Variants in AKT3 observed in about 807,000 individuals in gnomAD.
AKT3 encodes AKT serine/threonine kinase 3.
In AKT3, 15 loss-of-function variants were observed where a neutral mutation model predicts 65.3. The observed-to-expected ratio is 0.23, with a 90% CI of 0.15 to 0.35. The LOEUF (loss-of-function observed/expected upper bound fraction) is 0.35. AKT3 is among the 10% of genes least tolerant of loss of function. The pLI, the probability that AKT3 is intolerant of heterozygous loss-of-function variation, is 1.00. For missense variants in AKT3, 243 were observed against 576.5 expected, an observed-to-expected ratio of 0.42 and a Z score of 5.92; for synonymous variants, 206 against 183.8, an observed-to-expected ratio of 1.12 and a Z score of -0.98.
chr1:243,618,876 G>A (rs924168445), intron 6 of AKT3, among the ~76,000 whole-genome samples: 1 of 106,332 alleles, frequency 9.4e-6, no homozygotes, highest in Non-Finnish European at 2.5e-5. Context: ...GTGTAGGAGA[G>A]GGCAAACAAG....
At position 243,658,033 on chromosome 1, in the gene AKT3, C is replaced by T. The variant is rs543806105; in HGVS notation, c.284+6739G>A. ...GAAACTACAAACTCCTAGGAAAAAA[C>T]CACAGGAGAAAAGCTTCATAATTTG... On this transcript the variant is annotated intron_variant, in intron 4 of 13. Coordinates refer to ENST00000673466, the MANE Select transcript of AKT3 (RefSeq NM_005465.7). 8.5e-5 allele frequency among the ~76,000 whole-genome samples: 13 copies of T among 152,080 alleles called. No individual in the cohort carries two copies. In the South Asian group the frequency reaches 2.7e-3, roughly 32 times the overall value.
chr1:243,524,396 A>C (rs535360902), intron 12 of AKT3, among the ~76,000 whole-genome samples: 1 of 152,320 alleles, frequency 6.6e-6, no homozygotes, highest in South Asian at 2.1e-4. Context: ...CCATGCATGC[A>C]CAGGGAAGCC....
chr1:243,509,758 C>A (rs1359180467), intron 13 of AKT3, among the ~76,000 whole-genome samples: 1 of 151,998 alleles, frequency 6.6e-6, no homozygotes, highest in African/African-American at 2.4e-5. Context: ...TAGGGTGATT[C>A]AAATTGGCAG....
chr1:243,733,826 G>A (rs566246959), intron 2 of AKT3, among the ~76,000 whole-genome samples: 119 of 152,302 alleles, frequency 7.8e-4, no homozygotes, highest in African/African-American at 2.3e-3. Context: ...AGCATATGCT[G>A]TTGGAAAAAA....
intron 2 of AKT3, chr1:243,814,380 G>A (rs976005419): frequency 2.8e-4 from 43 of 151,956 alleles, no homozygotes; most frequent in African/African-American, 9.2e-4. Flanking sequence ...GAGAATATAA[G>A]CTATAAAAAC....
intron 2 of AKT3, among the ~76,000 whole-genome samples, chr1:243,709,869 A>T (rs1173457365): frequency 6.6e-6 from 1 of 152,070 alleles, no homozygotes; most frequent in African/African-American, 2.4e-5. Flanking sequence ...CAAATAAGTG[A>T]CTTGCTTGGC....
intron 2 of AKT3, among the ~76,000 whole-genome samples, chr1:243,833,734 G>C (rs1572427429): frequency 6.6e-6 from 1 of 151,748 alleles, no homozygotes; most frequent in East Asian, 2.0e-4. Flanking sequence ...TATCAAATTA[G>C]AATCCTATAT....
chr1:243,608,074 GAACT>G (rs746500482), intron 8 of AKT3, among the ~76,000 whole-genome samples: 1 of 152,158 alleles, frequency 6.6e-6, no homozygotes, highest in Non-Finnish European at 1.5e-5. Context: ...AGCAGTGTGA[GAACT>G]AATACAGGCA....
chr1:243,845,951 G>C (rs1296185508), intron 1 of AKT3, among the ~76,000 whole-genome samples: 1 of 152,140 alleles, frequency 6.6e-6, no homozygotes, highest in African/African-American at 2.4e-5. Flanking sequence ...AGTTTCCGGA[G>C]CCATAAAAAT....
At chr1:243,646,843 T>TA (rs749744166) in intron 4 of AKT3, among the ~76,000 whole-genome samples, 19 of 151,902 alleles carry the variant, frequency 1.3e-4, no homozygotes, top group Middle Eastern at 3.4e-3. Flanking sequence ...TAGAAAAAAT[T>TA]AAAAAAAAGG....
chr1:243,632,544 T>C (rs890538569), intron 6 of AKT3, among the ~76,000 whole-genome samples: 4 of 152,276 alleles, frequency 2.6e-5, no homozygotes, highest in South Asian at 2.1e-4. Context: ...CCTAGGATTT[T>C]TGAAATGGTA....
At chr1:243,516,089 G>C (rs958184138) in intron 12 of AKT3, among the ~76,000 whole-genome samples, 11 of 152,190 alleles carry the variant, frequency 7.2e-5, no homozygotes, top group Non-Finnish European at 1.3e-4. Flanking sequence ...GTATAGAACT[G>C]ATAATATTCC....
intron 3 of AKT3, among the ~76,000 whole-genome samples, chr1:243,673,611 ATTTTTTTT>A (rs11386712): frequency 2.4e-5 from 3 of 124,164 alleles, no homozygotes. Context: ...TAATTATGAG[ATTTTTTTT>A]TTTTTTTTTT....
At chr1:243,840,094 A>T (rs1572438827) in intron 2 of AKT3, among the ~76,000 whole-genome samples, 1 of 151,942 alleles carries the variant, frequency 6.6e-6, no homozygotes, top group South Asian at 2.1e-4. Context: ...TCACTTGAAC[A>T]CGGGAGGCGG....
At chr1:243,766,430 T>C (rs1384806308) in intron 2 of AKT3, among the ~76,000 whole-genome samples, 1 of 152,200 alleles carries the variant, frequency 6.6e-6, no homozygotes, top group Non-Finnish European at 1.5e-5. Context: ...CTTCATTGGC[T>C]TCACAAAGAA....
At chr1:243,710,521 C>T (rs922581956) in intron 2 of AKT3, among the ~76,000 whole-genome samples, 3 of 152,126 alleles carry the variant, frequency 2.0e-5, no homozygotes, top group Admixed American at 6.5e-5. Context: ...CACTATACCC[C>T]GTCCTATGAA....
intron 2 of AKT3, among the ~76,000 whole-genome samples, chr1:243,841,118 A>G (rs973851368): frequency 2.6e-5 from 4 of 152,184 alleles, no homozygotes; most frequent in Admixed American, 6.5e-5. Flanking sequence ...AAACACATAC[A>G]CATACACATC....
At chr1:243,496,453 C>T (rs1015992835), downstream of AKT3, among the ~76,000 whole-genome samples, 3 of 152,228 alleles carry the variant, frequency 2.0e-5, no homozygotes, top group African/African-American at 7.2e-5. Context: ...TCTCCAGTTA[C>T]AAATGGATGC....
intron 2 of AKT3, among the ~76,000 whole-genome samples, chr1:243,724,703 C>T (rs1005258138): frequency 6.6e-6 from 1 of 152,128 alleles, no homozygotes; most frequent in Non-Finnish European, 1.5e-5. Flanking sequence ...TACAGGTGGA[C>T]TATTGCCCTC....
Sources: gnomAD v4.1 joint callset for allele counts (sites outside exome capture counted in the v4.1 genomes callset) on GRCh38, gnomAD v4.1.1 for gene constraint, MANE v1.5 for transcripts, NCBI Gene and HGNC (gene_info 2026-07-23, HGNC 2026-07-21) for gene names.